TSNARE1: variants seen among roughly 807,000 people sequenced by gnomAD.
The protein encoded by TSNARE1 is t-SNARE domain containing 1.
Under a neutral mutation model 62.0 loss-of-function variants are expected in TSNARE1, and 49 were observed. The ratio of observed to expected loss-of-function variants is 0.79; its 90% confidence interval spans 0.63 to 1.00. The LOEUF is 1.00. Ranked by LOEUF, TSNARE1 falls within the 50% of genes least tolerant of loss-of-function variation. The pLI, the probability that TSNARE1 is intolerant of heterozygous loss-of-function variation, is 0.00. For synonymous variants in TSNARE1, 328 were observed against 294.4 expected, an observed-to-expected ratio of 1.11 and a Z score of -1.17; for missense variants, 755 against 700.1, an observed-to-expected ratio of 1.08 and a Z score of -0.88.
chr8:142,297,476 C>T (rs1015080656), intron 10 of TSNARE1, among the ~76,000 whole-genome samples: 1 of 152,232 alleles, frequency 6.6e-6, no homozygotes, highest in African/African-American at 2.4e-5. Context: ...TCTCTCAGAC[C>T]TCAAGTCTGC....
Position 142,224,726 on chromosome 8 carries a change from C to T in TSNARE1, c.*11+4747G>A, listed in dbSNP as rs1353216767. Among the ~76,000 whole-genome samples, 10 of 36,778 alleles carry T rather than the reference C, an allele frequency of 2.7e-4. No individual in the cohort carries two copies. The Admixed American group carries it at 2.8e-3, about 10-fold the overall frequency. The allele number at this position is 36,778 out of a possible 152,430, so 24.1% of individuals were successfully genotyped here. On this transcript the variant is annotated intron_variant, in intron 13 of 13. Coordinates refer to ENST00000524325, the MANE Select transcript of TSNARE1 (RefSeq NM_145003.5). ...TGGCTGTCAGAGCCAGGGAGGGGTGCTCTGGGGGCTGGCCTCTTGGAGCTC... is the reference window on the plus strand; with the variant it reads ...TGGCTGTCAGAGCCAGGGAGGGGTGTTCTGGGGGCTGGCCTCTTGGAGCTC...
chr8:142,313,595 CTATG>C (rs556100088), intron 9 of TSNARE1, among the ~76,000 whole-genome samples: 135 of 151,798 alleles, frequency 8.9e-4, no homozygotes, highest in Non-Finnish European at 1.7e-3. Context: ...GCATGTGTCT[CTATG>C]TGTGTTTATC....
chr8:142,354,221 T>C (rs1834498208), intron 2 of TSNARE1, among the ~76,000 whole-genome samples: 2 of 152,034 alleles, frequency 1.3e-5, no homozygotes, highest in Non-Finnish European at 1.5e-5. Flanking sequence ...TGCGCGGCCC[T>C]GGGATGAGGT....
intron 12 of TSNARE1, among the ~76,000 whole-genome samples, chr8:142,263,425 A>G (rs1249129462): frequency 1.3e-5 from 2 of 152,196 alleles, no homozygotes; most frequent in Non-Finnish European, 1.5e-5. Context: ...TTCTGGTTGC[A>G]GTTTGCTAGT....
intron 12 of TSNARE1, among the ~76,000 whole-genome samples, chr8:142,248,049 G>A (rs1294148435): frequency 2.6e-5 from 4 of 152,192 alleles, no homozygotes; most frequent in South Asian, 4.1e-4. Context: ...CCACCGTGAC[G>A]GTATCGAGAG....
chr8:142,347,729 CAGA>C (rs1158935310), intron 2 of TSNARE1, among the ~76,000 whole-genome samples: 1 of 100,156 alleles, frequency 1.0e-5, no homozygotes, highest in African/African-American at 4.1e-5. Flanking sequence ...CACCCAAGTC[CAGA>C]AGGACACGCC....
intron 4 of TSNARE1, among the ~76,000 whole-genome samples, chr8:142,340,090 C>T (rs1832348470): frequency 6.6e-6 from 1 of 152,200 alleles, no homozygotes; most frequent in South Asian, 2.1e-4. Context: ...GGGCCTCATG[C>T]TCCAGGAAGG....
At chr8:142,292,967 T>C (rs529422442) in intron 10 of TSNARE1, among the ~76,000 whole-genome samples, 10 of 152,038 alleles carry the variant, frequency 6.6e-5, no homozygotes, top group South Asian at 4.1e-4. Flanking sequence ...ACTCAGCACA[T>C]AGAAAGTGGG....
chr8:142,374,513 C>G (rs139911574), intron 1 of TSNARE1, among the ~76,000 whole-genome samples: 1 of 151,600 alleles, frequency 6.6e-6, no homozygotes, highest in East Asian at 2.0e-4. Flanking sequence ...CCCGTCTCTA[C>G]TAAAAATACA....
chr8:142,361,755 A>C (rs183083074), intron 1 of TSNARE1, among the ~76,000 whole-genome samples: 9 of 152,312 alleles, frequency 5.9e-5, no homozygotes, highest in African/African-American at 2.2e-4. Flanking sequence ...CGAGCTCCAC[A>C]GGCAAGGCCG....
chr8:142,329,447 A>T (rs1281604980), intron 6 of TSNARE1, among the ~76,000 whole-genome samples: 5 of 152,236 alleles, frequency 3.3e-5, no homozygotes, highest in African/African-American at 7.2e-5. Context: ...GGACGTGCCC[A>T]TCCCACCTGG....
chr8:142,315,491 G>C (rs571285019), intron 7 of TSNARE1, among the ~76,000 whole-genome samples: 2 of 152,184 alleles, frequency 1.3e-5, no homozygotes, highest in Admixed American at 1.3e-4. Context: ...CCAGCATCTC[G>C]CCTGTATCTG....
intron 1 of TSNARE1, among the ~76,000 whole-genome samples, chr8:142,376,727 C>A (rs897254345): frequency 2.6e-5 from 4 of 152,198 alleles, no homozygotes; most frequent in Non-Finnish European, 5.9e-5. Context: ...AGAGCCCACC[C>A]AGACACGGGA....
At chr8:142,250,843 T>C (rs73364661) in intron 12 of TSNARE1, among the ~76,000 whole-genome samples, 12,172 of 152,230 alleles carry the variant, frequency 0.08, 731 homozygotes, top group African/African-American at 0.17. Context: ...CAGACTGCCT[T>C]GAACGCAGGA....
At chr8:142,267,026 A>G (rs1819167476) in intron 12 of TSNARE1, among the ~76,000 whole-genome samples, 1 of 152,260 alleles carries the variant, frequency 6.6e-6, no homozygotes, top group African/African-American at 2.4e-5. Context: ...ATCACTTTTT[A>G]GAATCTTATT....
intron 7 of TSNARE1, among the ~76,000 whole-genome samples, chr8:142,316,961 C>G (rs759147073): frequency 1.3e-5 from 2 of 151,958 alleles, no homozygotes; most frequent in African/African-American, 2.4e-5. Context: ...AACCCCAGCC[C>G]TCCCAAGGCA....
intron 6 of TSNARE1, among the ~76,000 whole-genome samples, chr8:142,328,559 CAG>C (rs1830569657): frequency 6.6e-6 from 1 of 152,206 alleles, no homozygotes; most frequent in Non-Finnish European, 1.5e-5. Flanking sequence ...ACCCCTTCTG[CAG>C]AAAGTAAAAT....
chr8:142,349,348 G>A (rs1022006341), intron 2 of TSNARE1, among the ~76,000 whole-genome samples: 1 of 152,174 alleles, frequency 6.6e-6, no homozygotes, highest in African/African-American at 2.4e-5. Flanking sequence ...TTCAAAATGT[G>A]TGATATTCAA....
At chr8:142,268,882 A>G (rs535607176) in intron 12 of TSNARE1, among the ~76,000 whole-genome samples, 1 of 152,248 alleles carries the variant, frequency 6.6e-6, no homozygotes, top group Non-Finnish European at 1.5e-5. Context: ...TGCCAGCTCC[A>G]GGTCATCAAT....
Sources: gnomAD v4.1 joint callset for allele counts (sites outside exome capture counted in the v4.1 genomes callset) on GRCh38, gnomAD v4.1.1 for gene constraint, MANE v1.5 for transcripts, NCBI Gene and HGNC (gene_info 2026-07-23, HGNC 2026-07-21) for gene names.